Variants in AGBL4 observed in about 807,000 individuals in gnomAD.
AGBL4 encodes the protein cytosolic carboxypeptidase 6.
In AGBL4, 58 loss-of-function variants were observed where a neutral mutation model predicts 66.4. The observed-to-expected ratio is 0.87, with a 90% confidence interval of 0.71 to 1.09. AGBL4 has a LOEUF of 1.09. Among genes scored for constraint, AGBL4 ranks in the 50% least tolerant of loss-of-function variants. AGBL4 has a pLI of 0.00. For synonymous variants in AGBL4, 234 were observed against 222.9 expected, an observed-to-expected ratio of 1.05 and a Z score of -0.44; for missense variants, 579 against 631.0, an observed-to-expected ratio of 0.92 and a Z score of 0.88.
At chr1:49,068,902 G>C (rs969612873) in intron 4 of AGBL4, among the ~76,000 whole-genome samples, 3 of 152,130 alleles carry the variant, frequency 2.0e-5, no homozygotes, top group African/African-American at 7.2e-5. Flanking sequence ...GTTGTTTCCT[G>C]ACTTTTCAAT....
chr1:49,469,911 C>T (rs569085813), intron 3 of AGBL4: 3 of 151,804 alleles, frequency 2.0e-5, no homozygotes, highest in Non-Finnish European at 4.4e-5. Flanking sequence ...GAGAGGAATA[C>T]GAGACAGGAC....
intron 6 of AGBL4, among the ~76,000 whole-genome samples, chr1:48,674,649 C>T (rs971383535): frequency 6.6e-6 from 1 of 152,148 alleles, no homozygotes; most frequent in African/African-American, 2.4e-5. Context: ...CTGTGAGTGT[C>T]TCAGTCTCCT....
At chr1:48,880,425 A>G (rs1014480106) in intron 5 of AGBL4, among the ~76,000 whole-genome samples, 4 of 152,146 alleles carry the variant, frequency 2.6e-5, no homozygotes, top group African/African-American at 9.7e-5. Flanking sequence ...TGCTGTAAAC[A>G]TACATGTGCA....
intron 8 of AGBL4, among the ~76,000 whole-genome samples, chr1:48,642,111 C>G (rs1333115437): frequency 1.3e-5 from 2 of 152,064 alleles, no homozygotes; most frequent in South Asian, 2.1e-4. Context: ...CCCATAGCCC[C>G]CATTGACCCC....
intron 3 of AGBL4, among the ~76,000 whole-genome samples, chr1:49,659,029 A>G (rs2124483190): frequency 6.6e-6 from 1 of 152,266 alleles, no homozygotes; most frequent in East Asian, 1.9e-4. Context: ...AAAGAAAAAA[A>G]ATTTTCAACC....
chr1:48,795,965 A>G (rs1297996072), intron 6 of AGBL4, among the ~76,000 whole-genome samples: 1 of 152,144 alleles, frequency 6.6e-6, no homozygotes, highest in Non-Finnish European at 1.5e-5. Flanking sequence ...GTTCTATGCA[A>G]TTTGATCATG....
At chr1:48,678,923 G>A (rs1304022614) in intron 6 of AGBL4, among the ~76,000 whole-genome samples, 1 of 152,194 alleles carries the variant, frequency 6.6e-6, no homozygotes, top group Non-Finnish European at 1.5e-5. Flanking sequence ...CTGTTAAAGG[G>A]AAACTTTCTG....
chr1:48,646,513 ATGTGTGTGTGTGTGTG>A (rs61233999), intron 8 of AGBL4, among the ~76,000 whole-genome samples: 22 of 131,436 alleles, frequency 1.7e-4, no homozygotes, highest in African/African-American at 2.6e-4. Flanking sequence ...ACCAGTTATA[ATGTGTGTGTGTGTGTG>A]TGTGTGTGTG....
chr1:48,747,687 G>T (rs937791148), intron 6 of AGBL4, among the ~76,000 whole-genome samples: 1 of 152,118 alleles, frequency 6.6e-6, no homozygotes, highest in Non-Finnish European at 1.5e-5. Flanking sequence ...ACACAGTTAC[G>T]GTCTTTGTAA....
At chr1:49,458,591 T>C (rs1197519521) in intron 3 of AGBL4, among the ~76,000 whole-genome samples, 1 of 151,796 alleles carries the variant, frequency 6.6e-6, no homozygotes, top group Non-Finnish European at 1.5e-5. Flanking sequence ...AATGCTTTGC[T>C]GAATAGAAGT....
chr1:49,639,626 C>G (rs1645742774), intron 3 of AGBL4, among the ~76,000 whole-genome samples: 2 of 152,158 alleles, frequency 1.3e-5, no homozygotes, highest in Admixed American at 1.3e-4. Context: ...TATTGGGAGT[C>G]TTCCAAATCC....
chr1:49,712,638 T>C (rs1647761655), intron 2 of AGBL4, among the ~76,000 whole-genome samples: 1 of 151,942 alleles, frequency 6.6e-6, no homozygotes, highest in Non-Finnish European at 1.5e-5. Flanking sequence ...AGATAACAGA[T>C]ATGACAATTT....
intron 3 of AGBL4, among the ~76,000 whole-genome samples, chr1:49,676,344 C>T (rs1646578804): frequency 6.6e-6 from 1 of 152,016 alleles, no homozygotes; most frequent in African/African-American, 2.4e-5. Flanking sequence ...CCAGGCATTG[C>T]AGCACAAGGT....
intron 4 of AGBL4, among the ~76,000 whole-genome samples, chr1:49,127,805 A>T (rs1557663447): frequency 6.6e-6 from 1 of 152,168 alleles, no homozygotes; most frequent in Non-Finnish European, 1.5e-5. Flanking sequence ...GATATGCCTA[A>T]AATATCTTAA....
At chr1:49,407,065 C>CAAA (rs57974289) in intron 3 of AGBL4, among the ~76,000 whole-genome samples, 5 of 25,892 alleles carry the variant, frequency 1.9e-4, no homozygotes, top group African/African-American at 5.9e-4. Flanking sequence ...ACTCTGCCTC[C>CAAA]AAAAAAAAAA....
intron 2 of AGBL4, among the ~76,000 whole-genome samples, chr1:49,729,515 A>C (rs191473226): frequency 1.3e-5 from 2 of 152,168 alleles, no homozygotes; most frequent in African/African-American, 4.8e-5. Context: ...AAAATCAAGG[A>C]GGCAATTTTT....
In AGBL4 at chr1:48,958,486, C is replaced by G. The variant is rs186663762; in HGVS notation, c.594+87098G>C. ...GCAATATGAGTAGAAGTGATGTATA[C>G]TACGTTTAGGGCTGCCCCATAAAAA... On this transcript the variant is annotated intron_variant, in intron 5 of 13. Coordinates refer to ENST00000371839, the MANE Select transcript of AGBL4 (RefSeq NM_032785.4). Among the ~76,000 whole-genome samples the G allele has an allele frequency of 4.9e-4, 74 of 152,294 alleles. No individual in the cohort carries two copies. The East Asian group carries it at 0.013, about 26-fold the overall frequency.
At chr1:49,742,696 A>C (rs1170902095) in intron 2 of AGBL4, among the ~76,000 whole-genome samples, 1 of 152,210 alleles carries the variant, frequency 6.6e-6, no homozygotes, top group Admixed American at 6.5e-5. Flanking sequence ...ACTGGTACCA[A>C]AACAGAGATA....
Position 49,305,695 on chromosome 1 carries a change from CT to C in AGBL4, c.283-59832del, listed in dbSNP as rs34572464. Among the ~76,000 whole-genome samples the C allele has an allele frequency of 1.4e-3, 202 of 146,048 alleles. 1 individual carries two copies. The highest frequency in any genetic ancestry group is 2.4e-3 in the African/African-American group (95 of 39,732). On this transcript the variant is annotated intron_variant, in intron 3 of 13. Coordinates refer to ENST00000371839, the MANE Select transcript of AGBL4 (RefSeq NM_032785.4). ...GGAAAGTAATATGAATTAATCATTCCTTTTTTTTTTTTTAGATGGAGTTTTG... is the reference window on the plus strand; with the variant it reads ...GGAAAGTAATATGAATTAATCATTCCTTTTTTTTTTTTAGATGGAGTTTTG...
Sources: allele counts gnomAD v4.1 joint callset (sites outside exome capture counted in the v4.1 genomes callset), GRCh38; gene constraint gnomAD v4.1.1; transcripts MANE v1.5; gene names NCBI Gene and HGNC (gene_info 2026-07-23, HGNC 2026-07-21).